The following SLC24A4 variants were observed in gnomAD, a reference collection of about 807,000 sequenced individuals.
SLC24A4 encodes sodium/potassium/calcium exchanger 4.
Under a neutral mutation model 79.0 loss-of-function variants are expected in SLC24A4, and 53 were observed. That is an observed-to-expected ratio of 0.67 (90% CI 0.54 to 0.84). The LOEUF is 0.84. SLC24A4 is among the 40% of genes least tolerant of loss of function. The pLI, the probability that SLC24A4 is intolerant of heterozygous loss-of-function variation, is 0.00. For synonymous variants in SLC24A4, 323 were observed against 323.8 expected, an observed-to-expected ratio of 1.00 and a Z score of 0.03; for missense variants, 731 against 822.0, an observed-to-expected ratio of 0.89 and a Z score of 1.35.
At position 92,456,384 on chromosome 14, in the gene SLC24A4, G is replaced by A; in HGVS notation, c.1051-20G>A. On this transcript the variant is annotated intron_variant, in intron 11 of 16. Coordinates refer to ENST00000532405, the MANE Select transcript of SLC24A4 (RefSeq NM_153646.4). ...CTTTATCACATGCCTTGGTGTCCAT[G>A]TTGCCTCCTGTCCACACAGCGGCAG... 3 of 1,613,744 alleles carry A rather than the reference G, an allele frequency of 1.9e-6. No individual in the cohort carries two copies. The highest frequency in any genetic ancestry group is 2.5e-6 in the Non-Finnish European group (3 of 1,179,694).
At chr14:92,432,869 A>G (rs1271942990) in intron 2 of SLC24A4, among the ~76,000 whole-genome samples, 1 of 152,202 alleles carries the variant, frequency 6.6e-6, no homozygotes, top group African/African-American at 2.4e-5. Flanking sequence ...CTGTCCTGGA[A>G]GTTTATTTAA....
intron 12 of SLC24A4, among the ~76,000 whole-genome samples, chr14:92,461,658 A>G (rs772124796): frequency 3.3e-5 from 5 of 152,198 alleles, no homozygotes; most frequent in Admixed American, 1.3e-4. Context: ...TAAAAGCTCT[A>G]TCTCCAAATA....
chr14:92,475,150 T>C (rs1416147925), intron 12 of SLC24A4, among the ~76,000 whole-genome samples: 1 of 152,058 alleles, frequency 6.6e-6, no homozygotes, highest in East Asian at 1.9e-4. Context: ...GAAATAAGGC[T>C]CATGAGGACT....
At position 92,490,336 on chromosome 14, in the gene SLC24A4, G is replaced by C. The variant is rs1895615448; in HGVS notation, c.1538-1329G>C. On this transcript the variant is annotated intron_variant, in intron 14 of 16. Coordinates refer to ENST00000532405, the MANE Select transcript of SLC24A4 (RefSeq NM_153646.4). The surrounding 1 kb of genome is among the most constrained non-coding windows in gnomAD (Gnocchi z 4.3). ...GTACGAGTCTTACTTACAAAAGTTT[G>C]CTTTCTTAATTATATGCCTCTCCAG... 6.6e-6 allele frequency among the ~76,000 whole-genome samples: 1 copy of C among 152,102 alleles called. No homozygotes were observed. Among genetic ancestry groups the C allele is most frequent in the Non-Finnish European group, 1.5e-5 (1 of 68,020 alleles).
At chr14:92,346,240 A>T (rs531127255) in intron 2 of SLC24A4, among the ~76,000 whole-genome samples, 5 of 152,318 alleles carry the variant, frequency 3.3e-5, no homozygotes, top group Middle Eastern at 3.4e-3. Context: ...TTCAGATTTG[A>T]TAGCAGATGC....
intron 2 of SLC24A4, among the ~76,000 whole-genome samples, chr14:92,358,308 A>T (rs1044741359): frequency 6.6e-6 from 1 of 152,152 alleles, no homozygotes; most frequent in Non-Finnish European, 1.5e-5. Context: ...AAAAATGTTT[A>T]TTTTAATTAC....
At chr14:92,434,448 A>T (rs528759315) in intron 3 of SLC24A4, among the ~76,000 whole-genome samples, 1 of 152,316 alleles carries the variant, frequency 6.6e-6, no homozygotes, top group East Asian at 1.9e-4. Context: ...TTTCAGTGTT[A>T]TGATGTTACA....
At chr14:92,432,787 A>G (rs532003936) in intron 2 of SLC24A4, among the ~76,000 whole-genome samples, 1 of 152,184 alleles carries the variant, frequency 6.6e-6, no homozygotes, top group Non-Finnish European at 1.5e-5. Context: ...AAAATCAGAA[A>G]AATTTCCATA....
intron 2 of SLC24A4, among the ~76,000 whole-genome samples, chr14:92,428,298 G>T (rs1891677340): frequency 6.6e-6 from 1 of 152,122 alleles, no homozygotes; most frequent in Non-Finnish European, 1.5e-5. Context: ...AGTCCCCTAG[G>T]TTGGCAGAAC....
intron 2 of SLC24A4, among the ~76,000 whole-genome samples, chr14:92,414,081 G>A (rs1385318540): frequency 6.6e-6 from 1 of 152,102 alleles, no homozygotes; most frequent in African/African-American, 2.4e-5. Flanking sequence ...ATTACAAGCA[G>A]GCAGGCATCA....
Position 92,323,918 on chromosome 14 carries a change from C to T in SLC24A4, c.88C>T (p.Leu30=). The stretch of plus-strand genomic sequence containing the variant: ...GCAAGTCGGCTTCGTGTGCGCGGTG[C>T]TGGCCCTGGTGTGCTGTGCGTCCGG... ...PQQVGFVCAV[L]ALVCCASGLF... is the part of the protein sequence containing the mutation. Residue 30 remains leucine (L), a synonymous_variant, in exon 1 of 17, where the codon CTG becomes TTG. Coordinates refer to ENST00000532405, the MANE Select transcript of SLC24A4 (RefSeq NM_153646.4). This position sits in a 1 kb window ranked among gnomAD's most constrained non-coding sequence, Gnocchi z 4.9. 6.2e-7 allele frequency: 1 copy of T among 1,610,896 alleles called. No individual in the cohort carries two copies. The highest frequency in any genetic ancestry group is 8.5e-7 in the Non-Finnish European group (1 of 1,179,760).
chr14:92,476,453 T>C (rs1894770671), intron 12 of SLC24A4, among the ~76,000 whole-genome samples: 1 of 77,862 alleles, frequency 1.3e-5, no homozygotes, highest in African/African-American at 4.2e-5. Flanking sequence ...AGCAGCTGAT[T>C]TTTTTTTTTT....
intron 2 of SLC24A4, among the ~76,000 whole-genome samples, chr14:92,402,269 ATTT>A (rs925076286): frequency 1.3e-5 from 2 of 152,168 alleles, no homozygotes; most frequent in African/African-American, 4.8e-5. Flanking sequence ...TTACAACTTA[ATTT>A]AGGAAAGCCA....
Position 92,433,960 on chromosome 14 carries a change from A to G in SLC24A4, c.290A>G (p.His97Arg), listed in dbSNP as rs1892024227. 6.2e-7 allele frequency: 1 copy of G among 1,614,110 alleles called. No individual in the cohort carries two copies. The highest frequency in any genetic ancestry group is 1.3e-5 in the African/African-American group (1 of 74,934). Residue 97 changes from histidine to arginine, a missense_variant, in exon 3 of 17, where the codon CAC becomes CGC. Physicochemically the swap from His to Arg is conservative, Grantham distance 29. Transcript: ENST00000532405. The stretch of plus-strand genomic sequence containing the variant: ...CTGTTCTCCAATAAGGAGCGACAGC[A>G]CGGAGCCGTCCTGCTGCACATCCTT... ...TDLFSNKERQ[H>R]GAVLLHILGA... is the part of the protein sequence containing the mutation.
At position 92,443,551 on chromosome 14, in the gene SLC24A4, C is replaced by T. The variant is rs188301634; in HGVS notation, c.657+77C>T. ...CACAGGACCCCTGCCCATCTCTGCC[C>T]CTGGCACTGTGACCAGAGAGGACTC... On this transcript the variant is annotated intron_variant, in intron 7 of 16. Transcript: ENST00000532405. 8.6e-5 allele frequency: 124 copies of T among 1,439,652 alleles called. 1 individual carries two copies. The African/African-American group carries it at 1.4e-3, about 17-fold the overall frequency. The allele number at this position is 1,439,652 out of a possible 1,614,324, so 89.2% of individuals were successfully genotyped here.
intron 14 of SLC24A4, among the ~76,000 whole-genome samples, chr14:92,488,337 G>A (rs369616187): frequency 1.3e-5 from 2 of 152,052 alleles, no homozygotes; most frequent in Admixed American, 6.5e-5. Flanking sequence ...CTCCCAAAGT[G>A]CTGGGATTAC....
At chr14:92,483,511 A>G (rs1179327768) in intron 13 of SLC24A4, among the ~76,000 whole-genome samples, 2 of 152,172 alleles carry the variant, frequency 1.3e-5, no homozygotes, top group Non-Finnish European at 2.9e-5. Flanking sequence ...GCTGCCTCTC[A>G]GTTTGCTACT....
intron 2 of SLC24A4, among the ~76,000 whole-genome samples, chr14:92,395,710 G>A (rs1035933365): frequency 2.0e-5 from 3 of 152,220 alleles, no homozygotes; most frequent in African/African-American, 4.8e-5. Context: ...AGTTCCAACC[G>A]CACATGTGCC....
intron 12 of SLC24A4, among the ~76,000 whole-genome samples, chr14:92,465,237 C>T (rs941649): frequency 3.9e-5 from 6 of 151,940 alleles, no homozygotes; most frequent in African/African-American, 1.5e-4. Flanking sequence ...GTGGGTGGGC[C>T]GGGACAGTTA....
Sources: allele counts gnomAD v4.1 joint callset (sites outside exome capture counted in the v4.1 genomes callset), GRCh38; gene constraint gnomAD v4.1.1; non-coding constraint Gnocchi (gnomAD v3.1); transcripts MANE v1.5; gene names NCBI Gene and HGNC (gene_info 2026-07-23, HGNC 2026-07-21).